The following DLGAP2 variants were observed in gnomAD, a reference collection of about 807,000 sequenced individuals.
DLGAP2 encodes DLG associated protein 2.
Under a neutral mutation model 100.3 loss-of-function variants are expected in DLGAP2, and 26 were observed. The ratio of observed to expected loss-of-function variants is 0.26; its 90% confidence interval spans 0.19 to 0.36. The LOEUF is 0.36. DLGAP2 is among the 10% of genes least tolerant of loss of function. DLGAP2 has a pLI of 1.00. For synonymous variants in DLGAP2, 886 were observed against 630.1 expected (o/e 1.41, Z -6.08); for missense variants, 1,858 against 1,453.2 (o/e 1.28, Z -4.53).
intron 2 of DLGAP2, among the ~76,000 whole-genome samples, chr8:958,396 G>A (rs780396097): frequency 6.6e-5 from 10 of 152,024 alleles, no homozygotes; most frequent in African/African-American, 1.9e-4. Context: ...CTTCCCCTCC[G>A]TTGCTCATCT....
chr8:1,091,047 G>T (rs551561319), intron 2 of DLGAP2, among the ~76,000 whole-genome samples: 14 of 152,252 alleles, frequency 9.2e-5, no homozygotes, highest in African/African-American at 3.4e-4. Context: ...TTCACTCTGG[G>T]TCTGAAAGGC....
intron 6 of DLGAP2, among the ~76,000 whole-genome samples, chr8:1,578,366 G>C (rs1404337399): frequency 1.3e-5 from 2 of 152,176 alleles, no homozygotes; most frequent in Non-Finnish European, 1.5e-5. Flanking sequence ...TCTTACCCCG[G>C]AAGTTATCGG....
intron 3 of DLGAP2, among the ~76,000 whole-genome samples, chr8:1,392,875 A>C (rs1796402528): frequency 6.9e-6 from 1 of 145,692 alleles, no homozygotes; most frequent in Non-Finnish European, 1.5e-5. Flanking sequence ...GTCTTTGTTA[A>C]ATGTGACGTT....
intron 3 of DLGAP2, among the ~76,000 whole-genome samples, chr8:1,340,410 G>A (rs138091246): frequency 1.8e-4 from 27 of 152,122 alleles, no homozygotes; most frequent in African/African-American, 4.1e-4. Flanking sequence ...ATTAAAAAGC[G>A]GACAAACAAC....
At chr8:1,037,514 G>A (rs1218186201) in intron 2 of DLGAP2, among the ~76,000 whole-genome samples, 1 of 152,096 alleles carries the variant, frequency 6.6e-6, no homozygotes, top group African/African-American at 2.4e-5. Flanking sequence ...TCCGAGGGAC[G>A]GAGCACGTGG....
chr8:930,824 A>C (rs1462770734), intron 2 of DLGAP2, among the ~76,000 whole-genome samples: 1 of 152,226 alleles, frequency 6.6e-6, no homozygotes, highest in Non-Finnish European at 1.5e-5. Flanking sequence ...CAGGGAACTC[A>C]GATTTACATC....
chr8:1,236,347 C>G (rs62487773), intron 2 of DLGAP2, among the ~76,000 whole-genome samples: 12,728 of 58,254 alleles, frequency 0.22, 13 homozygotes, highest in South Asian at 0.32. Flanking sequence ...GGCGCCGTGT[C>G]TAGTTCTCTC....
chr8:1,167,862 A>C (rs1182040621), intron 2 of DLGAP2, among the ~76,000 whole-genome samples: 1 of 151,922 alleles, frequency 6.6e-6, no homozygotes, highest in Non-Finnish European at 1.5e-5. Flanking sequence ...CAGACACGTT[A>C]GCAAGTACTT....
intron 3 of DLGAP2, among the ~76,000 whole-genome samples, chr8:1,445,424 A>T (rs1041872142): frequency 6.6e-6 from 1 of 151,140 alleles, no homozygotes; most frequent in Non-Finnish European, 1.5e-5. Context: ...TGAACTCTTC[A>T]TTTTTTATGG....
intron 3 of DLGAP2, among the ~76,000 whole-genome samples, chr8:1,264,288 C>T (rs1799408626): frequency 6.6e-6 from 1 of 152,022 alleles, no homozygotes; most frequent in South Asian, 2.1e-4. Flanking sequence ...TGGGATGGGG[C>T]TGGGGTTGCG....
At chr8:1,294,025 C>T (rs1800116591) in intron 3 of DLGAP2, among the ~76,000 whole-genome samples, 1 of 152,200 alleles carries the variant, frequency 6.6e-6, no homozygotes, top group Admixed American at 6.5e-5. Context: ...AGGTGGCTCG[C>T]TGCCACCAGG....
intron 10 of DLGAP2, 34 bp downstream of exon 10, chr8:1,669,818 G>C (rs781628489): frequency 1.3e-6 from 1 of 780,746 alleles, no homozygotes; most frequent in Non-Finnish European, 2.4e-6. Context: ...AGCCGCGTCC[G>C]CATGACTTTC....
rs767482808 is a variant in DLGAP2 at position 1,548,724 on chromosome 8, C to T, written c.271C>T (p.Pro91Ser). ...MKGLSGSRTQ[P>S]PLCSGHTCGL... ...GGGCCTTTCCGGAAGTCGGACCCAG[C>T]CGCCGCTGTGTTCCGGGCACACGTG... The change falls in exon 5 of 15, where the codon CCG (proline) becomes TCG (serine). Residue 91 changes from proline to serine, a missense_variant. Physicochemically the swap from Pro to Ser is moderately conservative, Grantham distance 74 (BLOSUM62 -1). Transcript: ENST00000637795. The T allele has an allele frequency of 4.4e-6, 7 of 1,606,720 alleles. No individual in the cohort carries two copies. In the Admixed American group the frequency reaches 1.2e-4, roughly 27 times the overall value.
intron 6 of DLGAP2, among the ~76,000 whole-genome samples, chr8:1,619,002 G>C (rs907352478): frequency 2.6e-5 from 4 of 152,160 alleles, no homozygotes; most frequent in African/African-American, 9.7e-5. Flanking sequence ...CCGTGTGACA[G>C]AATAGAGACT....
chr8:999,501 TGGAGTG>T, intron 2 of DLGAP2, among the ~76,000 whole-genome samples: 1 of 149,968 alleles, frequency 6.7e-6, no homozygotes, highest in African/African-American at 2.5e-5. Context: ...TTTTTCCCGA[TGGAGTG>T]TCGGTCTGCC....
chr8:1,192,372 C>G (rs928681842), intron 2 of DLGAP2, among the ~76,000 whole-genome samples: 2 of 152,210 alleles, frequency 1.3e-5, no homozygotes, highest in Non-Finnish European at 2.9e-5. Flanking sequence ...ATAGCTCGAT[C>G]AAGCTGATTA....
At chr8:1,167,168 A>T (rs936311306) in intron 2 of DLGAP2, among the ~76,000 whole-genome samples, 6 of 152,120 alleles carry the variant, frequency 3.9e-5, no homozygotes, top group Admixed American at 3.9e-4. Context: ...CAATTTGTAA[A>T]AGCCTCCTGA....
chr8:815,141 G>A (rs910634640), intron 1 of DLGAP2, among the ~76,000 whole-genome samples: 2 of 152,176 alleles, frequency 1.3e-5, no homozygotes, highest in Non-Finnish European at 2.9e-5. Context: ...GCTTGAGACT[G>A]GTTTCTTTAT....
At chr8:901,438 GAAAC>G (rs1798249620) in intron 1 of DLGAP2, among the ~76,000 whole-genome samples, 1 of 152,220 alleles carries the variant, frequency 6.6e-6, no homozygotes, top group African/African-American at 2.4e-5. Context: ...TATCTGCTAA[GAAAC>G]AAAGCAAGTG....
Sources: gnomAD v4.1 joint callset for allele counts (sites outside exome capture counted in the v4.1 genomes callset) on GRCh38, gnomAD v4.1.1 for gene constraint, MANE v1.5 for transcripts, NCBI Gene and HGNC (gene_info 2026-07-23, HGNC 2026-07-21) for gene names.